The following STXBP6 variants were observed in gnomAD, a reference collection of about 807,000 sequenced individuals.
STXBP6 encodes the protein syntaxin-binding protein 6.
A neutral mutation model predicts 26.9 loss-of-function variants in STXBP6; 21 were observed. The ratio of observed to expected loss-of-function variants is 0.78; its 90% confidence interval spans 0.55 to 1.12. STXBP6 has a LOEUF of 1.12. STXBP6 is among the 50% of genes most tolerant of loss of function. The pLI is 0.00. For synonymous variants in STXBP6, 97 were observed against 92.6 expected (o/e 1.05, Z -0.27); for missense variants, 232 against 257.9 (o/e 0.90, Z 0.69).
intron 4 of STXBP6, 123 bp from the exon 5 acceptor site, chr14:24,819,317 G>T (rs775589865): frequency 2.7e-6 from 3 of 1,123,950 alleles, no homozygotes; most frequent in Middle Eastern, 1.9e-4. Flanking sequence ...CGCTCGTCTA[G>T]TGTCTAGGAA....
At chr14:24,989,672 T>C (rs981348928) in intron 1 of STXBP6, among the ~76,000 whole-genome samples, 7 of 152,200 alleles carry the variant, frequency 4.6e-5, no homozygotes, top group African/African-American at 1.7e-4. Flanking sequence ...ACTGTCTTCA[T>C]GCTTAATTAA....
At chr14:24,967,469 T>C (rs969973112) in intron 2 of STXBP6, among the ~76,000 whole-genome samples, 2 of 152,192 alleles carry the variant, frequency 1.3e-5, no homozygotes, top group Non-Finnish European at 2.9e-5. Flanking sequence ...ATGTAACCAA[T>C]GGCTATTGTT....
chr14:24,849,067 G>A (rs1225207484), intron 4 of STXBP6, among the ~76,000 whole-genome samples: 1 of 152,142 alleles, frequency 6.6e-6, no homozygotes, highest in African/African-American at 2.4e-5. Flanking sequence ...TGGGTACACT[G>A]CTGGGGTCCC....
intron 1 of STXBP6, among the ~76,000 whole-genome samples, chr14:25,030,504 C>T (rs768193262): frequency 2.2e-4 from 34 of 152,162 alleles, no homozygotes; most frequent in Non-Finnish European, 3.2e-4. Context: ...GGACAAGACA[C>T]TATTCCCTCA....
intron 2 of STXBP6, among the ~76,000 whole-genome samples, chr14:24,865,286 G>A (rs547824474): frequency 6.6e-6 from 1 of 152,174 alleles, no homozygotes; most frequent in South Asian, 2.1e-4. Flanking sequence ...CTGAGAGATG[G>A]GAAATGAATA....
Position 24,819,185 on chromosome 14 carries a change from A to T in STXBP6, c.461T>A (p.Ile154Asn). The change falls in exon 5 of 6, where the codon ATC becomes AAC. Residue 154 changes from isoleucine to asparagine, a missense_variant. Transcript: ENST00000323944. ...CQSKIMGGNS[I>N]LHSAADSVTS... The stretch of plus-strand genomic sequence containing the variant: ...CACGCTGTCAGCAGCTGAATGGAGG[A>T]TGCTGTTTCCTGAAAGGAGGAGAGC... 6.2e-7 allele frequency: 1 copy of T among 1,614,064 alleles called. No individual in the cohort carries two copies. Among genetic ancestry groups the T allele is most frequent in the Non-Finnish European group, 8.5e-7 (1 of 1,180,002 alleles).
At chr14:25,040,877 T>C (rs1217680687) in intron 1 of STXBP6, among the ~76,000 whole-genome samples, 1 of 152,168 alleles carries the variant, frequency 6.6e-6, no homozygotes, top group Non-Finnish European at 1.5e-5. Flanking sequence ...AATCAACTAT[T>C]AGATAGACCA....
intron 1 of STXBP6, among the ~76,000 whole-genome samples, chr14:25,028,200 A>G (rs2075383788): frequency 6.6e-6 from 1 of 152,244 alleles, no homozygotes; most frequent in Non-Finnish European, 1.5e-5. Context: ...TTCAATGTAG[A>G]TGAACAGCCC....
chr14:25,025,128 T>A (rs2075326366), intron 1 of STXBP6, among the ~76,000 whole-genome samples: 1 of 152,186 alleles, frequency 6.6e-6, no homozygotes, highest in South Asian at 2.1e-4. Flanking sequence ...TTTTGGTGTG[T>A]GGGATTTGAA....
chr14:24,866,122 C>A (rs2069709976), intron 2 of STXBP6, among the ~76,000 whole-genome samples: 1 of 152,052 alleles, frequency 6.6e-6, no homozygotes, highest in Non-Finnish European at 1.5e-5. Context: ...AAGCACATGA[C>A]CCTCCTTGAT....
intron 2 of STXBP6, among the ~76,000 whole-genome samples, chr14:24,881,591 T>C (rs532612808): frequency 1.3e-5 from 2 of 152,322 alleles, no homozygotes; most frequent in African/African-American, 2.4e-5. Context: ...AGTCATGATA[T>C]GAAGGCAGCT....
Position 24,974,845 on chromosome 14 carries a change from G to C in STXBP6, c.-27C>G. 1 of 1,538,066 alleles carries C rather than the reference G, an allele frequency of 6.5e-7. No homozygotes were observed. The highest frequency in any genetic ancestry group is 1.3e-5 in the South Asian group (1 of 78,664). On this transcript the variant is annotated 5_prime_UTR_variant, in exon 2 of 6. Coordinates refer to ENST00000323944, the MANE Select transcript of STXBP6 (RefSeq NM_001394410.1). ...GTAGAACAAGTGAGGACAGCACGCAGTGAATCTTTTAAAGAAGGAAAAGAA... is the reference window on the plus strand; with the variant it reads ...GTAGAACAAGTGAGGACAGCACGCACTGAATCTTTTAAAGAAGGAAAAGAA...
At chr14:24,893,427 G>C (rs1421502723) in intron 2 of STXBP6, among the ~76,000 whole-genome samples, 1 of 152,228 alleles carries the variant, frequency 6.6e-6, no homozygotes, top group Non-Finnish European at 1.5e-5. Context: ...TTGCAGAACA[G>C]AGATCAGAGC....
chr14:25,018,832 C>T (rs2075207998), intron 1 of STXBP6, among the ~76,000 whole-genome samples: 1 of 152,180 alleles, frequency 6.6e-6, no homozygotes. Context: ...TGATCAACCA[C>T]CCAGGCCCAA....
chr14:25,003,249 A>G (rs1454728112), intron 1 of STXBP6, among the ~76,000 whole-genome samples: 1 of 152,214 alleles, frequency 6.6e-6, no homozygotes, highest in Non-Finnish European at 1.5e-5. Context: ...GGAGTCCCAC[A>G]GGTGCTCAAA....
intron 2 of STXBP6, among the ~76,000 whole-genome samples, chr14:24,874,529 C>G (rs1018632495): frequency 1.3e-5 from 2 of 152,012 alleles, no homozygotes; most frequent in Admixed American, 1.3e-4. Flanking sequence ...AGAAACACAG[C>G]CAGAATCCAA....
At chr14:24,971,182 A>G (rs1385936487) in intron 2 of STXBP6, among the ~76,000 whole-genome samples, 6 of 152,232 alleles carry the variant, frequency 3.9e-5, no homozygotes, top group Admixed American at 1.3e-4. Context: ...AGTAAGTCTT[A>G]TGATCACAGA....
chr14:24,939,256 T>C (rs1042105666), intron 2 of STXBP6, among the ~76,000 whole-genome samples: 11 of 152,198 alleles, frequency 7.2e-5, no homozygotes, highest in African/African-American at 2.7e-4. Context: ...CAGGGATATA[T>C]GGAGTACATA....
intron 4 of STXBP6, among the ~76,000 whole-genome samples, chr14:24,835,672 C>T (rs996727900): frequency 6.6e-6 from 1 of 152,012 alleles, no homozygotes; most frequent in Non-Finnish European, 1.5e-5. Flanking sequence ...AAAGTAGGTG[C>T]TATTAAAAAA....
Sources: gnomAD v4.1 joint callset for allele counts (sites outside exome capture counted in the v4.1 genomes callset) on GRCh38, gnomAD v4.1.1 for gene constraint, MANE v1.5 for transcripts, NCBI Gene and HGNC (gene_info 2026-07-23, HGNC 2026-07-21) for gene names.